Variants in ELP6 observed in about 807,000 individuals in gnomAD.
The protein encoded by ELP6 is elongator complex protein 6.
In ELP6, 23 loss-of-function variants were observed where a neutral mutation model predicts 28.1. The observed-to-expected ratio is 0.82, with a 90% confidence interval of 0.59 to 1.16. The LOEUF (loss-of-function observed/expected upper bound fraction) is 1.16. Among genes scored for constraint, ELP6 ranks in the 50% most tolerant of loss-of-function variants. ELP6 has a pLI of 0.00. For missense variants in ELP6, 313 were observed against 334.6 expected (o/e 0.94, Z 0.50); for synonymous variants, 132 against 135.8 (o/e 0.97, Z 0.19).
At position 47,513,569 on chromosome 3, in the gene ELP6, G is replaced by A; in HGVS notation, c.22C>T (p.Leu8=). The part of the protein sequence containing the change: MFVELNN[L]LNTTPDRAEQ... The stretch of plus-strand genomic sequence containing the variant: ...GCCCTGTCGGGGGTGGTGTTAAGCA[G>A]GTTATTAAGTTCCACGAACATTCCG... Residue 8 remains leucine (L), a synonymous_variant, in exon 1 of 7, where the codon CTG becomes TTG. Transcript: ENST00000296149. 6.2e-7 allele frequency: 1 copy of A among 1,613,342 alleles called. No homozygotes were observed. The highest frequency in any genetic ancestry group is 8.5e-7 in the Non-Finnish European group (1 of 1,179,640).
At chr3:47,496,615 C>T (rs1708488314) in intron 6 of ELP6, 2 of 657,232 alleles carry the variant, frequency 3.0e-6, no homozygotes, top group African/African-American at 3.9e-5. Context: ...CCTGCTTCAG[C>T]CTCCCAAGTA....
intron 4 of ELP6, chr3:47,502,271 G>A (rs1220317016): frequency 3.2e-6 from 1 of 317,144 alleles, no homozygotes; most frequent in Non-Finnish European, 4.6e-6. Flanking sequence ...TTAGCCAGGT[G>A]TGGTGGCGCA....
chr3:47,513,536 C>T lies in ELP6; in HGVS notation c.54+1G>A, dbSNP rs1553659754. 2.5e-6 allele frequency: 4 copies of T among 1,612,806 alleles called. No homozygotes were observed. The highest frequency in any genetic ancestry group is 3.4e-6 in the Non-Finnish European group (4 of 1,179,456). On this transcript the variant is annotated splice_donor_variant, in intron 1 of 6. Coordinates refer to ENST00000296149, the MANE Select transcript of ELP6 (RefSeq NM_001031703.3). LOFTEE classifies it high-confidence loss of function. ...CCCTTCCGGCCAGCGGGACCTCTTA[C>T]CTGCTCCGCCCTGTCGGGGGTGGTG...
At chr3:47,504,269 G>A (rs1330617665) in intron 4 of ELP6, 61 bp downstream of exon 4, 11 of 1,511,094 alleles carry the variant, frequency 7.3e-6, no homozygotes, top group Non-Finnish European at 9.8e-6. Context: ...CAGCAACCAG[G>A]AACCCTGCCT....
chr3:47,496,760 C>T lies in ELP6; in HGVS notation c.673-563G>A, dbSNP rs562142597. On this transcript the variant is annotated intron_variant, in intron 6 of 6. Coordinates refer to ENST00000296149, the MANE Select transcript of ELP6 (RefSeq NM_001031703.3). ...CCGCCCACCTCGGCCTCCCAAAGTGCTGGGATTACAGGCGTGAGCCACTGT... is the reference window on the plus strand; with the variant it reads ...CCGCCCACCTCGGCCTCCCAAAGTGTTGGGATTACAGGCGTGAGCCACTGT... The T allele has an allele frequency of 5.7e-5, 56 of 981,262 alleles. No individual in the cohort carries two copies. In the East Asian group the frequency reaches 5.6e-3, roughly 98 times the overall value. The allele number at this position is 981,262 out of a possible 1,614,324, so 60.8% of individuals were successfully genotyped here. A position where few individuals can be genotyped will look rare whatever the true frequency, so the allele number is the denominator to read the frequency against.
intron 4 of ELP6, among the ~76,000 whole-genome samples, chr3:47,503,810 G>A (rs1389964062): frequency 1.3e-5 from 2 of 152,020 alleles, no homozygotes; most frequent in African/African-American, 4.8e-5. Context: ...AGAATGGCGT[G>A]AACCTGGGAG....
intron 1 of ELP6, 108 bp downstream of exon 1, chr3:47,513,429 G>C (rs1464020926): frequency 2.6e-6 from 4 of 1,527,960 alleles, no homozygotes; most frequent in Non-Finnish European, 3.5e-6. Flanking sequence ...CAGGTACCCC[G>C]TGCCGGGTCG....
chr3:47,513,244 G>T (rs1412837399), intron 1 of ELP6: 1 of 1,255,572 alleles, frequency 8.0e-7, no homozygotes. Flanking sequence ...CACCCGCCTC[G>T]GCCTCCCAAA....
chr3:47,507,952 GCCA>G (rs1708893176), intron 3 of ELP6, among the ~76,000 whole-genome samples: 2 of 151,874 alleles, frequency 1.3e-5, no homozygotes, highest in Admixed American at 6.6e-5. Flanking sequence ...AGAAAAAGTA[GCCA>G]GTTTAGATAT....
In ELP6 at chr3:47,513,545, C is replaced by T. The variant is rs1300843700; in HGVS notation, c.46G>A (p.Ala16Thr). ...CCAGCGGGACCTCTTACCTGCTCCG[C>T]CCTGTCGGGGGTGGTGTTAAGCAGG... ...NNLLNTTPDR[A>T]EQGKLTLLCD... Residue 16 changes from alanine (A) to threonine (T), a missense_variant, in exon 1 of 7, where the codon GCG becomes ACG. Physicochemically the swap from Ala to Thr is moderately conservative, Grantham distance 58. Transcript: ENST00000296149. The T allele has an allele frequency of 1.2e-6, 2 of 1,613,092 alleles. No individual in the cohort carries two copies. The highest frequency in any genetic ancestry group is 1.7e-5 in the Admixed American group (1 of 59,884).
Position 47,496,144 on chromosome 3 carries a change from G to A in ELP6, c.726C>T (p.Ser242=). ...CCTGTATCTTATACTGGTAAGTGAA[G>A]CTCTGATCCCGGTGGACTGCGGGCT... ...PSQPAVHRDQ[S]FTYQYKIQDK... Residue 242 remains serine (S), a synonymous_variant, in exon 7 of 7, where the codon AGC becomes AGT. Transcript: ENST00000296149. The A allele has an allele frequency of 1.2e-6, 2 of 1,614,184 alleles. No individual in the cohort carries two copies. The highest frequency in any genetic ancestry group is 1.7e-6 in the Non-Finnish European group (2 of 1,180,032).
chr3:47,506,462 C>T (rs1030699954), intron 3 of ELP6, among the ~76,000 whole-genome samples: 10 of 152,114 alleles, frequency 6.6e-5, no homozygotes, highest in African/African-American at 1.2e-4. Flanking sequence ...CCATAGAAGA[C>T]GGCCATGCCC....
chr3:47,508,899 G>C (rs997414955), intron 3 of ELP6, among the ~76,000 whole-genome samples: 1 of 151,672 alleles, frequency 6.6e-6, no homozygotes, highest in African/African-American at 2.4e-5. Flanking sequence ...CAAGTACCTG[G>C]GACTACAGGC....
intron 3 of ELP6, among the ~76,000 whole-genome samples, chr3:47,505,781 A>G (rs1287784737): frequency 1.3e-5 from 2 of 152,174 alleles, no homozygotes; most frequent in Non-Finnish European, 2.9e-5. Context: ...CATGTTGGTC[A>G]GCCTGGTCTT....
At chr3:47,497,050 G>C (rs1708498666) in intron 6 of ELP6, 1 of 982,682 alleles carries the variant, frequency 1.0e-6, no homozygotes, top group East Asian at 1.1e-4. Context: ...TGACCTACCA[G>C]ACTTGCCTCT....
chr3:47,512,568 A>C (rs994520722), intron 1 of ELP6: 4 of 975,662 alleles, frequency 4.1e-6, no homozygotes, highest in African/African-American at 3.5e-5. Context: ...TAAATAAATA[A>C]ATAAGCCAAA....
At chr3:47,508,885 C>T (rs1367159759) in intron 3 of ELP6, among the ~76,000 whole-genome samples, 1 of 151,198 alleles carries the variant, frequency 6.6e-6, no homozygotes, top group Admixed American at 6.6e-5. Flanking sequence ...CTGCCTCAGT[C>T]TCCCAAGTAC....
At chr3:47,503,235 C>T (rs1708719435) in intron 4 of ELP6, 1 of 1,204,014 alleles carries the variant, frequency 8.3e-7, no homozygotes, top group Non-Finnish European at 1.1e-6. Flanking sequence ...TGGCCTCACA[C>T]CCACTGCATA....
intron 3 of ELP6, among the ~76,000 whole-genome samples, chr3:47,507,608 C>A (rs1214382369): frequency 1.6e-5 from 2 of 124,552 alleles, no homozygotes; most frequent in African/African-American, 3.1e-5. Context: ...CCAGCCTGGG[C>A]AACATAGGGA....
Sources: allele counts gnomAD v4.1 joint callset (sites outside exome capture counted in the v4.1 genomes callset), GRCh38; gene constraint gnomAD v4.1.1; transcripts MANE v1.5; gene names NCBI Gene and HGNC (gene_info 2026-07-23, HGNC 2026-07-21).